PTP4A3: variants seen among roughly 807,000 people sequenced by gnomAD.
PTP4A3 encodes protein tyrosine phosphatase type IVA 3.
PTP4A3 carries 9 observed loss-of-function variants against 15.2 expected under a neutral mutation model. The observed-to-expected ratio is 0.59, with a 90% CI of 0.36 to 1.03. PTP4A3 has a LOEUF of 1.03. Ranked by LOEUF, PTP4A3 falls within the 50% of genes least tolerant of loss-of-function variation. The probability of loss-of-function intolerance (pLI) is 0.02; values close to 1 mark genes in which losing one functional copy is unlikely to be tolerated. For synonymous variants in PTP4A3, 95 were observed against 102.0 expected, an observed-to-expected ratio of 0.93 and a Z score of 0.41; for missense variants, 234 against 252.1, an observed-to-expected ratio of 0.93 and a Z score of 0.49.
At chr8:141,429,192 T>G (rs2130353406) in intron 5 of PTP4A3, among the ~76,000 whole-genome samples, 1 of 152,364 alleles carries the variant, frequency 6.6e-6, no homozygotes, top group Non-Finnish European at 1.5e-5. Context: ...CCTTCCCCAG[T>G]GTGCCGGCTG....
At chr8:141,413,781 G>T (rs1454097135) in intron 1 of PTP4A3, among the ~76,000 whole-genome samples, 2 of 152,258 alleles carry the variant, frequency 1.3e-5, no homozygotes, top group Admixed American at 6.5e-5. Flanking sequence ...TTGCCGCAGG[G>T]AGGGCAGTGA....
Position 141,427,746 on chromosome 8 carries a change from C to A in PTP4A3, c.330-4C>A. On this transcript the variant is annotated splice_polypyrimidine_tract_variant and splice_region_variant and intron_variant, in intron 4 of 5. Coordinates refer to ENST00000521578, the MANE Select transcript of PTP4A3 (RefSeq NM_032611.3). ...ATGACCCCCGCCCTGCTGTTTGCCCCCAGGGCTCCAGTCCTTGTGGCGCTG... is the reference window on the plus strand; with the variant it reads ...ATGACCCCCGCCCTGCTGTTTGCCCACAGGGCTCCAGTCCTTGTGGCGCTG... The A allele has an allele frequency of 6.5e-7, 1 of 1,550,184 alleles. No individual in the cohort carries two copies. The highest frequency in any genetic ancestry group is 1.7e-4 in the Middle Eastern group (1 of 5,980).
At chr8:141,394,139 T>C (rs1832376729) in intron 1 of PTP4A3, among the ~76,000 whole-genome samples, 1 of 152,146 alleles carries the variant, frequency 6.6e-6, no homozygotes, top group South Asian at 2.1e-4. Context: ...CCTTAGGGAC[T>C]TACATCCAGA....
chr8:141,422,399 G>C (rs1054232230), intron 2 of PTP4A3, 54 bp downstream of exon 2: 2 of 1,598,004 alleles, frequency 1.3e-6, no homozygotes, highest in African/African-American at 2.7e-5. Context: ...TGGGAAGCCC[G>C]GCTGAGCTGC....
chr8:141,416,500 A>G (rs1339249008), intron 1 of PTP4A3, among the ~76,000 whole-genome samples: 1 of 152,124 alleles, frequency 6.6e-6, no homozygotes, highest in Admixed American at 6.5e-5. Flanking sequence ...AAGCTGACCC[A>G]TTCTTGCCTT....
intron 1 of PTP4A3, chr8:141,392,408 C>T (rs1586527604): frequency 6.6e-6 from 1 of 152,362 alleles, no homozygotes; most frequent in Middle Eastern, 3.4e-3. Context: ...GACCTCCTAC[C>T]CTGAGTTCAT....
chr8:141,395,158 G>T (rs1186386878), intron 1 of PTP4A3, among the ~76,000 whole-genome samples: 1 of 152,228 alleles, frequency 6.6e-6, no homozygotes, highest in African/African-American at 2.4e-5. Flanking sequence ...TGTGGGTGGG[G>T]CACGAGCTGT....
intron 1 of PTP4A3, among the ~76,000 whole-genome samples, chr8:141,414,083 T>C (rs1054883084): frequency 2.1e-5 from 3 of 144,270 alleles, no homozygotes; most frequent in South Asian, 2.2e-4. Flanking sequence ...TGTGTGTGTG[T>C]GCACGTGAGC....
intron 2 of PTP4A3, 84 bp from the exon 3 acceptor site, chr8:141,424,964 C>G: frequency 1.7e-6 from 2 of 1,161,606 alleles, no homozygotes; most frequent in Non-Finnish European, 2.5e-6. Flanking sequence ...ACAGCTGTGC[C>G]CTGGGAGCCC....
At position 141,422,164 on chromosome 8, in the gene PTP4A3, G is replaced by A. The variant is rs949509610; in HGVS notation, c.-77G>A. On this transcript the variant is annotated 5_prime_UTR_variant, in exon 2 of 6. It adds an upstream start codon to the 5' untranslated region. Transcript: ENST00000521578. ...CTCGTTCTCCTCATTTTTTGGGGGT[G>A]TGTGGGGACTTCTCAGGTCGTGTCC... 1.4e-6 allele frequency: 2 copies of A among 1,393,112 alleles called. No individual in the cohort carries two copies. Among genetic ancestry groups the A allele is most frequent in the Non-Finnish European group, 2.0e-6 (2 of 987,832 alleles). 86.3% of individuals were successfully genotyped at this position (1,393,112 alleles called of 1,614,324 possible).
intron 1 of PTP4A3, among the ~76,000 whole-genome samples, chr8:141,396,259 G>A (rs1339733752): frequency 6.6e-6 from 1 of 152,216 alleles, no homozygotes; most frequent in East Asian, 1.9e-4. Flanking sequence ...ACCTCTGGCG[G>A]GTAAGTGTTC....
intron 1 of PTP4A3, among the ~76,000 whole-genome samples, chr8:141,417,367 G>C (rs1442475180): frequency 6.6e-6 from 1 of 152,188 alleles, no homozygotes; most frequent in Admixed American, 6.5e-5. Context: ...GGTGGGTGCT[G>C]AGTAAATTCA....
rs556992524 is a variant in PTP4A3, at chr8:141,426,064, C to T, written c.199-875C>T. Among the ~76,000 whole-genome samples the T allele has an allele frequency of 2.2e-4, 34 of 152,274 alleles. 1 individual carries two copies. The highest frequency in any genetic ancestry group is 5.1e-4 in the African/African-American group (21 of 41,556). On this transcript the variant is annotated intron_variant, in intron 3 of 5. Coordinates refer to ENST00000521578, the MANE Select transcript of PTP4A3 (RefSeq NM_032611.3). Reference sequence around the variant, plus strand: ...AGCAGCGGGAGGGATTGGGGTCAGACGTAAGTAGCCGTGACACCGGTTGTC... The same window carrying T: ...AGCAGCGGGAGGGATTGGGGTCAGATGTAAGTAGCCGTGACACCGGTTGTC...
chr8:141,404,338 G>C (rs1563726249), intron 1 of PTP4A3, among the ~76,000 whole-genome samples: 1 of 152,266 alleles, frequency 6.6e-6, no homozygotes, highest in Admixed American at 6.5e-5. Flanking sequence ...CCCCTTTCAG[G>C]GGGTTGGGGT....
intron 5 of PTP4A3, among the ~76,000 whole-genome samples, chr8:141,429,962 G>T (rs113506009): frequency 9.7e-5 from 9 of 92,310 alleles, no homozygotes; most frequent in Non-Finnish European, 9.3e-5. Context: ...CAGGGTGAGC[G>T]CACAGCCCAC....
intron 1 of PTP4A3, among the ~76,000 whole-genome samples, chr8:141,398,238 T>C (rs1206941082): frequency 1.3e-5 from 2 of 152,218 alleles, no homozygotes; most frequent in African/African-American, 2.4e-5. Context: ...ATAACATCCC[T>C]TGGAGTCTCT....
intron 1 of PTP4A3, among the ~76,000 whole-genome samples, chr8:141,405,675 C>T (rs924433251): frequency 1.3e-5 from 2 of 151,956 alleles, no homozygotes; most frequent in African/African-American, 2.4e-5. Context: ...GAGCTGTGGC[C>T]GGTCTCTTGT....
chr8:141,422,143 T>G lies in PTP4A3; in HGVS notation c.-98T>G. Reference sequence around the variant, plus strand: ...CTCTTGGACAAGCACAGGGATCTCGTTCTCCTCATTTTTTGGGGGTGTGTG... The same window carrying G: ...CTCTTGGACAAGCACAGGGATCTCGGTCTCCTCATTTTTTGGGGGTGTGTG... On this transcript the variant is annotated 5_prime_UTR_variant, in exon 2 of 6. Transcript: ENST00000521578. 1 of 1,140,426 alleles carries G rather than the reference T, an allele frequency of 8.8e-7. No homozygotes were observed. The highest frequency in any genetic ancestry group is 1.3e-6 in the Non-Finnish European group (1 of 766,188). The allele number at this position is 1,140,426 out of a possible 1,614,324, so 70.6% of individuals were successfully genotyped here.
intron 1 of PTP4A3, among the ~76,000 whole-genome samples, chr8:141,400,051 G>A (rs1832549314): frequency 4.6e-5 from 7 of 152,248 alleles, no homozygotes; most frequent in South Asian, 2.1e-4. Context: ...GGGACCACAG[G>A]CATGCGCCAC....
Sources: allele counts gnomAD v4.1 joint callset (sites outside exome capture counted in the v4.1 genomes callset), GRCh38; gene constraint gnomAD v4.1.1; transcripts MANE v1.5; gene names NCBI Gene and HGNC (gene_info 2026-07-23, HGNC 2026-07-21).